Variants in TMEM25 observed in about 807,000 individuals in gnomAD.
The protein encoded by TMEM25 is 0610039J01Rik.
Under a neutral mutation model 37.0 loss-of-function variants are expected in TMEM25, and 36 were observed. The observed-to-expected ratio is 0.97, with a 90% CI of 0.75 to 1.28. The LOEUF (loss-of-function observed/expected upper bound fraction) is 1.28. TMEM25 is among the 50% of genes most tolerant of loss of function. TMEM25 has a pLI of 0.00. For missense variants in TMEM25, 444 were observed against 477.9 expected (o/e 0.93, Z 0.66); for synonymous variants, 197 against 203.7 (o/e 0.97, Z 0.28).
At chr11:118,544,896 ACAG>A (rs1951637944) in intron 8 of TMEM25, 1 of 1,576,082 alleles carries the variant, frequency 6.3e-7, no homozygotes, top group South Asian at 1.1e-5. Context: ...CAGCCTTGAA[ACAG>A]CAGCTTGGGA....
At chr11:118,536,162 G>GC (rs1228275564), downstream of TMEM25, among the ~76,000 whole-genome samples, 1 of 149,418 alleles carries the variant, frequency 6.7e-6, no homozygotes, top group African/African-American at 2.5e-5. Context: ...ACAGGTGTGA[G>GC]CCACCACACC....
chr11:118,532,810 C>G, intron 3 of TMEM25, 107 bp from the exon 4 acceptor site: 2 of 1,455,834 alleles, frequency 1.4e-6, no homozygotes, highest in Non-Finnish European at 1.9e-6. Flanking sequence ...CTCAGCATCC[C>G]CTCTGAGGAG....
intron 8 of TMEM25, among the ~76,000 whole-genome samples, chr11:118,543,036 T>C (rs1049231325): frequency 6.6e-6 from 1 of 151,788 alleles, no homozygotes; most frequent in Non-Finnish European, 1.5e-5. Context: ...GGTCAGCAGA[T>C]TGAGACCACC....
At chr11:118,531,316 C>T in intron 1 of TMEM25, 82 bp downstream of exon 1, 1 of 333,198 alleles carries the variant, frequency 3.0e-6, no homozygotes, top group South Asian at 3.0e-5. Context: ...CGCCGACATC[C>T]ACCGGAGCCA....
chr11:118,540,314 T>G (rs1055327848), downstream of TMEM25, among the ~76,000 whole-genome samples: 1 of 152,174 alleles, frequency 6.6e-6, no homozygotes, highest in East Asian at 2.0e-4. Context: ...CTTTCTCTCT[T>G]GTTCAGTGTT....
exon 9 of TMEM25, chr11:118,546,368 G>A (rs1164242396): frequency 5.6e-6 from 3 of 531,724 alleles, no homozygotes; most frequent in Non-Finnish European, 1.0e-5. Context: ...TTGAGTATCT[G>A]TAGTCCCAGC....
At chr11:118,538,246 A>C (rs952028090), downstream of TMEM25, among the ~76,000 whole-genome samples, 1 of 152,004 alleles carries the variant, frequency 6.6e-6, no homozygotes, top group East Asian at 1.9e-4. Flanking sequence ...ATCTCAGCTC[A>C]CTGCAACCTC....
At chr11:118,542,096 G>GT (rs553879425) in intron 8 of TMEM25, among the ~76,000 whole-genome samples, 25 of 152,260 alleles carry the variant, frequency 1.6e-4, no homozygotes, top group South Asian at 6.2e-4. Flanking sequence ...GCACTGTTTG[G>GT]TTTTTTGTTC....
rs1222435497 is a variant in TMEM25 at position 118,534,842 on chromosome 11, T to C, written c.*262T>C. 59 of 1,340,204 alleles carry C rather than the reference T, an allele frequency of 4.4e-5. No individual in the cohort carries two copies. Among genetic ancestry groups the C allele is most frequent in the Non-Finnish European group, 5.4e-5 (56 of 1,041,850 alleles). The allele number at this position is 1,340,204 out of a possible 1,614,324, so 83.0% of individuals were successfully genotyped here. A position where few individuals can be genotyped will look rare whatever the true frequency, so the allele number is the denominator to read the frequency against. ...GACTCAGGGTGGGCCCTGCATGTGATGACTGGGCCCTTCCAGAGGGAGCTC... is the reference window on the plus strand; with the variant it reads ...GACTCAGGGTGGGCCCTGCATGTGACGACTGGGCCCTTCCAGAGGGAGCTC... On this transcript the variant is annotated 3_prime_UTR_variant, in exon 9 of 9. Transcript: ENST00000313236. The surrounding 1 kb of genome is among the most constrained non-coding windows in gnomAD (Gnocchi z 4.6).
chr11:118,539,639 A>G (rs1951552383), downstream of TMEM25, among the ~76,000 whole-genome samples: 3 of 151,968 alleles, frequency 2.0e-5, no homozygotes, highest in East Asian at 5.8e-4. Context: ...TGGCTATCCA[A>G]TTTTCCCAGC....
chr11:118,532,692 G>A (rs888161971), intron 3 of TMEM25: 10 of 775,544 alleles, frequency 1.3e-5, no homozygotes, highest in South Asian at 3.8e-5. Flanking sequence ...TGATGATCCC[G>A]CTGGTAAGAA....
chr11:118,533,254 G>C, intron 4 of TMEM25, 47 bp downstream of exon 4: 1 of 1,560,088 alleles, frequency 6.4e-7, no homozygotes, highest in South Asian at 1.2e-5. Context: ...GGTGGGCTCA[G>C]GGGTCCCGTC....
Position 118,534,972 on chromosome 11 carries a change from C to T in TMEM25, c.*392C>T, listed in dbSNP as rs1019948385. 94 of 1,055,730 alleles carry T rather than the reference C, an allele frequency of 8.9e-5. No individual in the cohort carries two copies. Among genetic ancestry groups the T allele is most frequent in the Admixed American group, 5.6e-4 (11 of 19,672 alleles). The allele number at this position is 1,055,730 out of a possible 1,614,324, so 65.4% of individuals were successfully genotyped here. ...GCACCTTGTACAGTAGGCATGGGGG[C>T]GTGCCTGTGTGGGGGACAGGGAGGG... is the stretch of plus-strand genomic sequence containing the variant. On this transcript the variant is annotated 3_prime_UTR_variant, in exon 9 of 9. Coordinates refer to ENST00000313236, the MANE Select transcript of TMEM25 (RefSeq NM_032780.4). The surrounding 1 kb of genome is among the most constrained non-coding windows in gnomAD (Gnocchi z 4.6).
chr11:118,544,820 C>A, intron 8 of TMEM25: 2 of 851,346 alleles, frequency 2.3e-6, no homozygotes, highest in South Asian at 2.9e-5. Context: ...CAAGCTGTGG[C>A]ATGGGCAAGG....
At chr11:118,532,704 C>T in intron 3 of TMEM25, 1 of 787,746 alleles carries the variant, frequency 1.3e-6, no homozygotes, top group Non-Finnish European at 2.0e-6. Flanking sequence ...TGGTAAGAAG[C>T]AGAGCCAGGA....
Position 118,534,035 on chromosome 11 carries a change from C to T in TMEM25, c.843C>T (p.Ser281=). 1 of 1,614,080 alleles carries T rather than the reference C, an allele frequency of 6.2e-7. No homozygotes were observed. The highest frequency in any genetic ancestry group is 8.5e-7 in the Non-Finnish European group (1 of 1,180,014). Residue 281 remains serine (S), a synonymous_variant, in exon 7 of 9, where the codon TCC becomes TCT. Transcript: ENST00000313236. The surrounding 1 kb of genome is among the most constrained non-coding windows in gnomAD (Gnocchi z 4.6). Reference sequence around the variant, plus strand: ...AACTTTGTCCTCCCTGTAGTGACTCCAACAACCTAAAACTCAACAACGTGC... The same window carrying T: ...AACTTTGTCCTCCCTGTAGTGACTCTAACAACCTAAAACTCAACAACGTGC... ...SRHPSLISSD[S]NNLKLNNVRL...
At chr11:118,531,948 T>G in intron 2 of TMEM25, 77 bp downstream of exon 2, 2 of 1,513,736 alleles carry the variant, frequency 1.3e-6, no homozygotes, top group Middle Eastern at 3.4e-4. Flanking sequence ...CACTTCTGTT[T>G]GGGTACCCAC....
At position 118,545,669 on chromosome 11, in the gene TMEM25, C is replaced by T; in HGVS notation, c.1028-450C>T. On this transcript the variant is annotated intron_variant, in intron 8 of 8. Coordinates refer to the TMEM25 transcript ENST00000354284. Reference sequence around the variant, plus strand: ...ACCACCTTTGAGTGCTGCCAAAGAGCACAACGGGCTTAAAGTGAAGGCTGA... The same window carrying T: ...ACCACCTTTGAGTGCTGCCAAAGAGTACAACGGGCTTAAAGTGAAGGCTGA... 4.2e-6 allele frequency: 5 copies of T among 1,196,372 alleles called. No individual in the cohort carries two copies. The East Asian group carries it at 1.2e-4, about 28-fold the overall frequency. 74.1% of individuals were successfully genotyped at this position (1,196,372 alleles called of 1,614,324 possible). A position where few individuals can be genotyped will look rare whatever the true frequency, so the allele number is the denominator to read the frequency against.
At chr11:118,546,426 G>C in exon 9 of TMEM25, 1 of 424,002 alleles carries the variant, frequency 2.4e-6, no homozygotes. Context: ...AGCAGGTTGA[G>C]GCTGCAGTGA....
Sources: gnomAD v4.1 joint callset for allele counts (sites outside exome capture counted in the v4.1 genomes callset) on GRCh38, gnomAD v4.1.1 for gene constraint, Gnocchi (gnomAD v3.1) non-coding constraint, MANE v1.5 for transcripts, NCBI Gene and HGNC (gene_info 2026-07-23, HGNC 2026-07-21) for gene names.